Variants in EDARADD observed in about 807,000 individuals in gnomAD.
The protein encoded by EDARADD is ectodysplasin-A receptor-associated adapter protein.
Under a neutral mutation model 25.6 loss-of-function variants are expected in EDARADD, and 20 were observed. The ratio of observed to expected loss-of-function variants is 0.78; its 90% confidence interval spans 0.55 to 1.14. EDARADD has a LOEUF of 1.14. EDARADD is among the 50% of genes most tolerant of loss of function. The pLI, the probability that EDARADD is intolerant of heterozygous loss-of-function variation, is 0.00. For synonymous variants in EDARADD, 86 were observed against 94.4 expected, an observed-to-expected ratio of 0.91 and a Z score of 0.52; for missense variants, 225 against 270.1, an observed-to-expected ratio of 0.83 and a Z score of 1.17.
chr1:236,369,433 T>A (rs995154753), intron 3 of EDARADD, among the ~76,000 whole-genome samples: 8 of 152,230 alleles, frequency 5.3e-5, no homozygotes. Context: ...GCAACTTCAT[T>A]TGGATCCTCA....
intron 3 of EDARADD, among the ~76,000 whole-genome samples, chr1:236,417,264 A>G (rs916306030): frequency 1.3e-5 from 2 of 152,236 alleles, no homozygotes; most frequent in African/African-American, 2.4e-5. Context: ...CGTTTAAGTG[A>G]GTTTTAAGGA....
intron 5 of EDARADD, among the ~76,000 whole-genome samples, chr1:236,478,679 C>T (rs1241872506): frequency 6.6e-6 from 1 of 152,092 alleles, no homozygotes; most frequent in South Asian, 2.1e-4. Flanking sequence ...CTCCACCTCC[C>T]GAGTTGACGC....
rs61333307 is a variant in EDARADD, at chr1:236,445,234, C to CTTTTTTTTTTTTT, written c.219+17795_219+17796insTTTTTTTTTTTTT. On this transcript the variant is annotated intron_variant, in intron 4 of 5. Transcript: ENST00000334232. ...TGCATTAGCTGGGACATAATAAATT[C>CTTTTTTTTTTTTT]TTTTTTTTTTTGAGACAGAGTCTTG... 1.2e-4 allele frequency among the ~76,000 whole-genome samples: 11 copies of CTTTTTTTTTTTTT among 89,698 alleles called. 2 individuals are homozygous for CTTTTTTTTTTTTT. The highest frequency in any genetic ancestry group is 2.6e-4 in the East Asian group (1 of 3,918). The allele number at this position is 89,698 out of a possible 152,430, so 58.8% of individuals were successfully genotyped here.
chr1:236,443,702 A>C (rs1306509028), intron 4 of EDARADD, among the ~76,000 whole-genome samples: 3 of 152,234 alleles, frequency 2.0e-5, no homozygotes, highest in Non-Finnish European at 4.4e-5. Context: ...CCTGGCAAAA[A>C]TGCTGTGAAC....
In EDARADD at chr1:236,398,554, C is replaced by T. The variant is rs945847793; in HGVS notation, c.61+4049C>T. ...GTTCCTTCACTTGCCTCACCTGACA[C>T]CTAGCTTGACCCCTGCTCTCTGCAC... is the stretch of plus-strand genomic sequence containing the variant. On this transcript the variant is annotated intron_variant, in intron 1 of 5. Coordinates refer to ENST00000334232, the MANE Select transcript of EDARADD (RefSeq NM_145861.4). The surrounding 1 kb of genome is among the most constrained non-coding windows in gnomAD (Gnocchi z 4.1). Among the ~76,000 whole-genome samples the T allele has an allele frequency of 3.3e-5, 5 of 152,242 alleles. No individual in the cohort carries two copies. The highest frequency in any genetic ancestry group is 6.5e-5 in the Admixed American group (1 of 15,278).
At chr1:236,396,941 G>T (rs1013762993) in intron 1 of EDARADD, among the ~76,000 whole-genome samples, 1 of 127,352 alleles carries the variant, frequency 7.9e-6, no homozygotes, top group African/African-American at 2.9e-5. Context: ...ACTACTAGTG[G>T]CCTCAGATCT....
intron 4 of EDARADD, among the ~76,000 whole-genome samples, chr1:236,456,346 G>T (rs1447202765): frequency 2.6e-5 from 4 of 152,174 alleles, no homozygotes; most frequent in Admixed American, 2.6e-4. Context: ...GGGATGGAGG[G>T]TCCTGTGTTG....
chr1:236,406,539 C>A (rs1465717061), intron 1 of EDARADD, among the ~76,000 whole-genome samples: 2 of 152,192 alleles, frequency 1.3e-5, no homozygotes, highest in South Asian at 4.1e-4. Flanking sequence ...ACCCTGAATA[C>A]AGCAGGCGGC....
At chr1:236,421,060 C>T (rs1449101332) in intron 3 of EDARADD, among the ~76,000 whole-genome samples, 3 of 147,380 alleles carry the variant, frequency 2.0e-5, no homozygotes, top group East Asian at 4.0e-4. Flanking sequence ...ATTGTCTCCT[C>T]TTCACCCTGT....
chr1:236,354,030 T>C (rs371662285), intron 3 of EDARADD, among the ~76,000 whole-genome samples: 1 of 152,146 alleles, frequency 6.6e-6, no homozygotes, highest in Admixed American at 6.6e-5. Context: ...GCTCTTCGGG[T>C]TGCGAGGCTT....
intron 2 of EDARADD, among the ~76,000 whole-genome samples, chr1:236,411,771 G>A (rs781434679): frequency 6.6e-6 from 1 of 151,938 alleles, no homozygotes; most frequent in Non-Finnish European, 1.5e-5. Flanking sequence ...GGCTGGTCTC[G>A]CACTCCTGAT....
In EDARADD at chr1:236,404,067, C is replaced by T. The variant is rs1003656290; in HGVS notation, c.62-5149C>T. Among the ~76,000 whole-genome samples, 10 of 152,294 alleles carry T rather than the reference C, an allele frequency of 6.6e-5. No homozygotes were observed. The South Asian group carries it at 8.3e-4, about 13-fold the overall frequency. ...CATGAGCAGAGGACAGATCCCGCAC[C>T]GGCCCTGGCGAAACCACTGGCCTTG... On this transcript the variant is annotated intron_variant, in intron 1 of 5. Transcript: ENST00000334232.
At chr1:236,458,601 T>C (rs1251384725) in intron 4 of EDARADD, among the ~76,000 whole-genome samples, 1 of 151,896 alleles carries the variant, frequency 6.6e-6, no homozygotes, top group African/African-American at 2.4e-5. Context: ...TGATTTTCAG[T>C]AATTTTTACT....
At chr1:236,377,125 A>T (rs1033538663) in intron 3 of EDARADD, among the ~76,000 whole-genome samples, 1 of 146,210 alleles carries the variant, frequency 6.8e-6, no homozygotes, top group African/African-American at 2.5e-5. Flanking sequence ...TATATATTTT[A>T]TATATATATA....
In EDARADD at chr1:236,482,939, G is replaced by A. The variant is rs941708172; in HGVS notation, c.*290G>A. On this transcript the variant is annotated 3_prime_UTR_variant, in exon 6 of 6. Coordinates refer to ENST00000334232, the MANE Select transcript of EDARADD (RefSeq NM_145861.4). ...TACAATCGGAATGGATTCATGCCAC[G>A]TTGAAGATAAAATTATCCTCTCTCT... 49 of 603,418 alleles carry A rather than the reference G, an allele frequency of 8.1e-5. No homozygotes were observed. The highest frequency in any genetic ancestry group is 1.1e-4 in the African/African-American group (6 of 53,878). The allele number at this position is 603,418 out of a possible 1,614,324, so 37.4% of individuals were successfully genotyped here.
chr1:236,357,948 C>T (rs1427520819), intron 3 of EDARADD, among the ~76,000 whole-genome samples: 1 of 151,986 alleles, frequency 6.6e-6, no homozygotes, highest in Non-Finnish European at 1.5e-5. Context: ...CCTCGGCTCA[C>T]TGCAACCTCT....
chr1:236,451,367 C>T (rs1658707168), intron 4 of EDARADD, among the ~76,000 whole-genome samples: 1 of 152,176 alleles, frequency 6.6e-6, no homozygotes, highest in Non-Finnish European at 1.5e-5. Context: ...GTTATATTTA[C>T]ATGAAACAAA....
At chr1:236,414,008 G>A (rs1025782641) in intron 2 of EDARADD, among the ~76,000 whole-genome samples, 1 of 151,878 alleles carries the variant, frequency 6.6e-6, no homozygotes, top group African/African-American at 2.4e-5. Context: ...GTGTAGTTTC[G>A]TGGTCCAAGC....
At chr1:236,450,737 C>T (rs1445321608) in intron 4 of EDARADD, among the ~76,000 whole-genome samples, 15 of 152,018 alleles carry the variant, frequency 9.9e-5, no homozygotes, top group Admixed American at 6.6e-4. Context: ...TTAGTAGAGA[C>T]GGGGTTTCAC....
Sources: allele counts gnomAD v4.1 joint callset (sites outside exome capture counted in the v4.1 genomes callset), GRCh38; gene constraint gnomAD v4.1.1; non-coding constraint Gnocchi (gnomAD v3.1); transcripts MANE v1.5; gene names NCBI Gene and HGNC (gene_info 2026-07-23, HGNC 2026-07-21).